Variants in CILK1 observed in about 807,000 individuals in gnomAD.
CILK1 encodes ciliogenesis associated kinase 1, also known as serine/threonine-protein kinase ICK.
Under a neutral mutation model 79.2 loss-of-function variants are expected in CILK1, and 47 were observed. The observed-to-expected ratio is 0.59, with a 90% CI of 0.47 to 0.76. CILK1 has a LOEUF of 0.76. Ranked by LOEUF, CILK1 falls within the 30% of genes least tolerant of loss-of-function variation. CILK1 has a pLI of 0.00. For missense variants in CILK1, 660 were observed against 769.5 expected, an observed-to-expected ratio of 0.86 and a Z score of 1.68; for synonymous variants, 266 against 275.9, an observed-to-expected ratio of 0.96 and a Z score of 0.36.
At chr6:53,040,288 AT>A (rs2127450935) in intron 2 of CILK1, among the ~76,000 whole-genome samples, 1 of 152,340 alleles carries the variant, frequency 6.6e-6, no homozygotes, top group African/African-American at 2.4e-5. Flanking sequence ...CACTTCTGTG[AT>A]TAATTTACAA....
At chr6:53,027,536 A>G (rs998887649) in intron 5 of CILK1, among the ~76,000 whole-genome samples, 3 of 152,228 alleles carry the variant, frequency 2.0e-5, no homozygotes, top group Non-Finnish European at 4.4e-5. Flanking sequence ...ACCTCCTCAC[A>G]GTGAGAATGG....
At chr6:53,043,204 T>C (rs1766824654) in intron 1 of CILK1, among the ~76,000 whole-genome samples, 1 of 151,876 alleles carries the variant, frequency 6.6e-6, no homozygotes, top group Admixed American at 6.6e-5. Context: ...TAGTCCCAAC[T>C]ACTCGGGAGG....
At chr6:53,054,903 C>T (rs1192337646) in intron 1 of CILK1, among the ~76,000 whole-genome samples, 2 of 152,220 alleles carry the variant, frequency 1.3e-5, no homozygotes, top group African/African-American at 4.8e-5. Context: ...GTGCCTTGCT[C>T]ATTCACAGCC....
rs1763954414 is a variant in CILK1, at chr6:53,001,712, G to A, written c.*3437C>T. On this transcript the variant is annotated 3_prime_UTR_variant, in exon 14 of 14. Coordinates refer to ENST00000676107, the MANE Select transcript of CILK1 (RefSeq NM_014920.5). ...ATATAACAGTACAGTACATTTGTTT[G>A]GAAATCGTAAAAATAATTCTACAAA... The A allele has an allele frequency of 6.6e-6, 1 of 152,578 alleles. No homozygotes were observed. The highest frequency in any genetic ancestry group is 2.4e-5 in the African/African-American group (1 of 41,430). 9.5% of individuals were successfully genotyped at this position (152,578 alleles called of 1,614,324 possible).
At chr6:53,034,365 A>C (rs887342031) in intron 3 of CILK1, among the ~76,000 whole-genome samples, 3 of 152,198 alleles carry the variant, frequency 2.0e-5, no homozygotes, top group African/African-American at 7.2e-5. Flanking sequence ...TTAATATAAA[A>C]AGAATTAATT....
intron 1 of CILK1, among the ~76,000 whole-genome samples, chr6:53,051,109 G>C (rs1386794909): frequency 6.6e-6 from 1 of 152,174 alleles, no homozygotes; most frequent in Non-Finnish European, 1.5e-5. Flanking sequence ...GTGGAGATGA[G>C]AGTGCTACCA....
At chr6:53,031,392 G>T (rs1765951835) in intron 4 of CILK1, among the ~76,000 whole-genome samples, 1 of 152,112 alleles carries the variant, frequency 6.6e-6, no homozygotes, top group African/African-American at 2.4e-5. Context: ...AAAAATTTTT[G>T]GTGGGGAAAA....
At chr6:53,055,232 C>T (rs912492903) in intron 1 of CILK1, among the ~76,000 whole-genome samples, 1 of 152,144 alleles carries the variant, frequency 6.6e-6, no homozygotes, top group Non-Finnish European at 1.5e-5. Context: ...TCCATTTTAC[C>T]TTTACAGGTT....
In CILK1 at chr6:53,004,245, C is replaced by T. The variant is rs1441636111; in HGVS notation, c.*904G>A. 1.3e-5 allele frequency: 2 copies of T among 152,422 alleles called. No homozygotes were observed. Among genetic ancestry groups the T allele is most frequent in the Admixed American group, 1.3e-4 (2 of 15,268 alleles). The allele number at this position is 152,422 out of a possible 1,614,324, so 9.4% of individuals were successfully genotyped here. On this transcript the variant is annotated 3_prime_UTR_variant, in exon 14 of 14. Transcript: ENST00000676107. ...CATCTCAGTTACTATAATCAAAAAC[C>T]TTCTGCTGCTTTGATACTTAGTTTT... is the stretch of plus-strand genomic sequence containing the variant.
rs1456347116 is a variant in CILK1, at chr6:53,031,172, A to T, written c.279-28T>A. 6 of 1,427,316 alleles carry T rather than the reference A, an allele frequency of 4.2e-6. No individual in the cohort carries two copies. The African/African-American group carries it at 7.0e-5, about 17-fold the overall frequency. 88.4% of individuals were successfully genotyped at this position (1,427,316 alleles called of 1,614,324 possible). ...GTATGAGGCAGAGGAAAACAAAGTT[A>T]TAAATCAAAGGCCAGATCCTTTGAT... On this transcript the variant is annotated intron_variant, in intron 4 of 13. Transcript: ENST00000676107.
intron 2 of CILK1, among the ~76,000 whole-genome samples, chr6:53,040,247 C>A (rs1766612479): frequency 6.6e-6 from 1 of 152,190 alleles, no homozygotes; most frequent in South Asian, 2.1e-4. Flanking sequence ...TTGCTTCTAA[C>A]CAACAGAATA....
chr6:53,048,264 T>C (rs1258739429), intron 1 of CILK1, among the ~76,000 whole-genome samples: 2 of 152,232 alleles, frequency 1.3e-5, no homozygotes, highest in Admixed American at 6.5e-5. Context: ...AAACACCGGA[T>C]GCTGGAAGCA....
chr6:53,009,726 C>T (rs566022859), intron 11 of CILK1, among the ~76,000 whole-genome samples, 159 bp from the exon 12 acceptor site: 34 of 152,254 alleles, frequency 2.2e-4, no homozygotes, highest in African/African-American at 8.2e-4. Flanking sequence ...GACAGATGTC[C>T]GAGGAAAGAT....
At chr6:53,020,212 A>C (rs1340775484) in intron 5 of CILK1, among the ~76,000 whole-genome samples, 5 of 152,208 alleles carry the variant, frequency 3.3e-5, no homozygotes, top group Non-Finnish European at 5.9e-5. Context: ...TCTCAGCTAT[A>C]GCAGAGCTCT....
intron 11 of CILK1, among the ~76,000 whole-genome samples, chr6:53,010,190 A>T (rs1230024832): frequency 6.6e-6 from 1 of 152,222 alleles, no homozygotes; most frequent in Non-Finnish European, 1.5e-5. Flanking sequence ...TATACCTGTC[A>T]TCTGGATCTC....
rs1451887995 is a variant in CILK1 at position 53,013,879 on chromosome 6, C to A, written c.935G>T (p.Gly312Val). The A allele has an allele frequency of 6.2e-7, 1 of 1,613,976 alleles. No individual in the cohort carries two copies. The highest frequency in any genetic ancestry group is 8.5e-7 in the Non-Finnish European group (1 of 1,179,962). ...GACTGGCTTAATATAAGGAGGTGGG[C>A]CTGCCTTTTCCAGGATGCCTTTCTG... ...KPQKGILEKAGPPPYIKPVPP... is the reference protein window; with the variant it reads ...KPQKGILEKAVPPPYIKPVPP... Residue 312 changes from glycine (G) to valine (V), a missense_variant, in exon 9 of 14, where the codon GGC becomes GTC. Gly to Val is a moderately radical substitution (Grantham distance 109, BLOSUM62 -3). Coordinates refer to ENST00000676107, the MANE Select transcript of CILK1 (RefSeq NM_014920.5).
rs1446259833 is a variant in CILK1 at position 53,018,361 on chromosome 6, T to C, written c.632A>G (p.Lys211Arg). The C allele has an allele frequency of 1.2e-6, 2 of 1,614,084 alleles. No individual in the cohort carries two copies. The highest frequency in any genetic ancestry group is 2.7e-5 in the African/African-American group (2 of 74,910). The change falls in exon 7 of 14, where the codon AAA becomes AGA. Residue 211 changes from lysine to arginine, a missense_variant. Physicochemically the swap from Lys to Arg is conservative, Grantham distance 26. Transcript: ENST00000676107. ...TGGTGTCCCCAGCACTTGGCAAATT[T>C]TGAATATTGTGTCAATTTCACTGGC... ...PGASEIDTIF[K>R]ICQVLGTPKK...
intron 2 of CILK1, among the ~76,000 whole-genome samples, chr6:53,039,304 G>A (rs1766555575): frequency 6.6e-6 from 1 of 152,224 alleles, no homozygotes; most frequent in East Asian, 1.9e-4. Flanking sequence ...CGGGAGCAGT[G>A]GCTCAGCCAA....
chr6:53,060,785 G>A (rs759942330), intron 1 of CILK1, among the ~76,000 whole-genome samples: 1 of 152,130 alleles, frequency 6.6e-6, no homozygotes, highest in Non-Finnish European at 1.5e-5. Context: ...ATTCGGCAAT[G>A]GTGCCATTCA....
Sources: gnomAD v4.1 joint callset for allele counts (sites outside exome capture counted in the v4.1 genomes callset) on GRCh38, gnomAD v4.1.1 for gene constraint, MANE v1.5 for transcripts, NCBI Gene and HGNC (gene_info 2026-07-23, HGNC 2026-07-21) for gene names.